The following TWIST2 variants were observed in gnomAD, a reference collection of about 807,000 sequenced individuals.
TWIST2 encodes the protein twist family bHLH transcription factor 2, also known as twist-related protein 2.
A neutral mutation model predicts 11.6 loss-of-function variants in TWIST2; 1 was observed. The ratio of observed to expected loss-of-function variants is 0.09; its 90% confidence interval spans 0.03 to 0.41. TWIST2 has a LOEUF of 0.41. TWIST2 is among the 10% of genes least tolerant of loss of function. The pLI is 0.98. For missense variants in TWIST2, 168 were observed against 226.4 expected (o/e 0.74, Z 1.66); for synonymous variants, 87 against 96.6 (o/e 0.90, Z 0.58).
At chr2:238,873,839 A>G (rs1384481427) in intron 1 of TWIST2, among the ~76,000 whole-genome samples, 1 of 152,204 alleles carries the variant, frequency 6.6e-6, no homozygotes, top group Non-Finnish European at 1.5e-5. Flanking sequence ...TGTCTTGCTC[A>G]AGAGAAGCTG....
At chr2:238,851,617 T>C (rs1020358917) in intron 1 of TWIST2, among the ~76,000 whole-genome samples, 1 of 152,180 alleles carries the variant, frequency 6.6e-6, no homozygotes, top group African/African-American at 2.4e-5. Context: ...AGAAATTGCA[T>C]GACCCCTTCA....
Position 238,855,855 on chromosome 2 carries a change from T to C in TWIST2, c.*35+7122T>C, listed in dbSNP as rs144846648. On this transcript the variant is annotated intron_variant, in intron 1 of 1. Transcript: ENST00000612363. ...AAGCCTCGTGCGGCCCATAGATGTGTGCTCAGCACCCCCGCCTCAGTGTGT... is the reference window on the plus strand; with the variant it reads ...AAGCCTCGTGCGGCCCATAGATGTGCGCTCAGCACCCCCGCCTCAGTGTGT... 1.8e-3 allele frequency among the ~76,000 whole-genome samples: 269 copies of C among 152,270 alleles called. 1 individual carries two copies. The highest frequency in any genetic ancestry group is 6.2e-3 in the African/African-American group (257 of 41,556).
At chr2:238,862,150 G>A (rs1010381482) in intron 1 of TWIST2, among the ~76,000 whole-genome samples, 1 of 152,208 alleles carries the variant, frequency 6.6e-6, no homozygotes, top group Admixed American at 6.5e-5. Context: ...AGCTGAAGTG[G>A]TGTTTACTAA....
rs1054542692 is a variant in TWIST2 at position 238,896,945 on chromosome 2, C to A, written c.*36-12897C>A. Among the ~76,000 whole-genome samples the A allele has an allele frequency of 5.5e-3, 832 of 152,180 alleles. 7 individuals carry two copies. Among genetic ancestry groups the A allele is most frequent in the African/African-American group, 0.018 (763 of 41,556 alleles). The stretch of plus-strand genomic sequence containing the variant: ...GCTTCCATTTGGAGAAAAGTAGGCA[C>A]ACCCCAGGGGGAGGGAGGCGCCTGA... On this transcript the variant is annotated intron_variant, in intron 1 of 1. Coordinates refer to ENST00000612363, the MANE Select transcript of TWIST2 (RefSeq NM_001271893.4).
chr2:238,884,890 C>T (rs948328186), intron 1 of TWIST2, among the ~76,000 whole-genome samples: 3 of 152,218 alleles, frequency 2.0e-5, no homozygotes, highest in African/African-American at 7.2e-5. Flanking sequence ...TGACTCTTCC[C>T]AAACCCACCA....
At chr2:238,908,087 AACATACCACACACACAG>A (rs1391493714) in intron 1 of TWIST2, among the ~76,000 whole-genome samples, 2 of 149,260 alleles carry the variant, frequency 1.3e-5, no homozygotes, top group African/African-American at 5.0e-5. Context: ...ACACCATACA[AACATACCACACACACAG>A]ACATACCACA....
chr2:238,873,004 G>A (rs148306503), intron 1 of TWIST2, among the ~76,000 whole-genome samples: 7 of 152,218 alleles, frequency 4.6e-5, no homozygotes, highest in Non-Finnish European at 8.8e-5. Context: ...TCCAGCCAAG[G>A]AGACAATGGA....
At chr2:238,876,228 C>T (rs1338766495) in intron 1 of TWIST2, among the ~76,000 whole-genome samples, 2 of 152,222 alleles carry the variant, frequency 1.3e-5, no homozygotes, top group African/African-American at 4.8e-5. Context: ...CCCAGGCAGC[C>T]TCTGCAGAGG....
rs188974836 is a variant in TWIST2, at chr2:238,881,909, C to T, written c.*36-27933C>T. 1.7e-3 allele frequency among the ~76,000 whole-genome samples: 263 copies of T among 152,178 alleles called. 1 individual carries two copies. Among genetic ancestry groups the T allele is most frequent in the African/African-American group, 5.8e-3 (240 of 41,510 alleles). ...CCTGGGTTTTCCATCCATGAGAGCCCGTGGGCATCACAGCCACTCTGTGAA... is the reference window on the plus strand; with the variant it reads ...CCTGGGTTTTCCATCCATGAGAGCCTGTGGGCATCACAGCCACTCTGTGAA... On this transcript the variant is annotated intron_variant, in intron 1 of 1. Transcript: ENST00000612363.
At chr2:238,894,611 T>G (rs1321683668) in intron 1 of TWIST2, among the ~76,000 whole-genome samples, 3 of 152,164 alleles carry the variant, frequency 2.0e-5, no homozygotes, top group Admixed American at 6.5e-5. Flanking sequence ...CTGGCCTCCT[T>G]GTCGCTTTGG....
At chr2:238,894,981 G>T (rs1419973906) in intron 1 of TWIST2, among the ~76,000 whole-genome samples, 1 of 152,202 alleles carries the variant, frequency 6.6e-6, no homozygotes, top group African/African-American at 2.4e-5. Flanking sequence ...TTGTGATAGT[G>T]ATTTGTTCTG....
chr2:238,902,792 TTGTGATGTGTGAG>T (rs1693289268), intron 1 of TWIST2, among the ~76,000 whole-genome samples: 1 of 134,036 alleles, frequency 7.5e-6, no homozygotes, highest in Non-Finnish European at 1.6e-5. Context: ...ATGTGGGGTG[TTGTGATGTGTGAG>T]GTGTGTGTGA....
Position 238,848,517 on chromosome 2 carries a change from T to C in TWIST2, c.302T>C (p.Leu101Pro). The change falls in exon 1 of 2, where the codon CTG (leucine) becomes CCG (proline). Residue 101 changes from leucine (L) to proline (P), a missense_variant. By Grantham distance (98) the Leu-to-Pro change is moderately conservative. Coordinates refer to ENST00000612363, the MANE Select transcript of TWIST2 (RefSeq NM_001271893.4). ...ATCCCCACGCTGCCCTCTGACAAGC[T>C]GAGCAAGATCCAGACGCTCAAGCTG... ...KIIPTLPSDK[L>P]SKIQTLKLAA... 1 of 1,592,328 alleles carries C rather than the reference T, an allele frequency of 6.3e-7. No homozygotes were observed.
intron 1 of TWIST2, among the ~76,000 whole-genome samples, chr2:238,880,604 A>G (rs971296818): frequency 1.1e-5 from 1 of 89,802 alleles, no homozygotes; most frequent in Admixed American, 1.3e-4. Context: ...TGTTAGTATT[A>G]GTGTTAGTAT....
intron 1 of TWIST2, among the ~76,000 whole-genome samples, chr2:238,897,674 C>T (rs1365330077): frequency 6.6e-6 from 1 of 152,214 alleles, no homozygotes. Flanking sequence ...CAGCACTCTG[C>T]ATTTCCTCCC....
intron 1 of TWIST2, among the ~76,000 whole-genome samples, chr2:238,887,725 G>T (rs1338272296): frequency 2.6e-5 from 4 of 152,182 alleles, no homozygotes; most frequent in African/African-American, 4.8e-5. Flanking sequence ...CTCTTCTGCT[G>T]CCCCAAGTGC....
intron 1 of TWIST2, among the ~76,000 whole-genome samples, chr2:238,871,664 A>C (rs1574756257): frequency 1.0e-4 from 5 of 48,466 alleles, no homozygotes; most frequent in Non-Finnish European, 2.1e-4. Flanking sequence ...CCCCACACAC[A>C]CCATCACCCC....
intron 1 of TWIST2, among the ~76,000 whole-genome samples, chr2:238,880,295 GTTA>G (rs981684911): frequency 3.8e-4 from 57 of 148,968 alleles, no homozygotes; most frequent in African/African-American, 6.9e-4. Flanking sequence ...TAGTGTTAGT[GTTA>G]TTGTTAGTGT....
intron 1 of TWIST2, among the ~76,000 whole-genome samples, chr2:238,854,079 G>A (rs1692289322): frequency 6.6e-6 from 1 of 152,180 alleles, no homozygotes; most frequent in South Asian, 2.1e-4. Context: ...TTACTTCTCA[G>A]ACCCGAAGAG....
Sources: gnomAD v4.1 joint callset for allele counts (sites outside exome capture counted in the v4.1 genomes callset) on GRCh38, gnomAD v4.1.1 for gene constraint, MANE v1.5 for transcripts, NCBI Gene and HGNC (gene_info 2026-07-23, HGNC 2026-07-21) for gene names.